DAB1: variants seen among roughly 807,000 people sequenced by gnomAD.
DAB1 encodes disabled homolog 1.
Under a neutral mutation model 64.6 loss-of-function variants are expected in DAB1, and 15 were observed. The observed-to-expected ratio is 0.23, with a 90% confidence interval of 0.16 to 0.36. DAB1 has a LOEUF of 0.36. Among genes scored for constraint, DAB1 ranks in the 10% least tolerant of loss-of-function variants. The pLI, the probability that DAB1 is intolerant of heterozygous loss-of-function variation, is 1.00. For missense variants in DAB1, 596 were observed against 706.7 expected (o/e 0.84, Z 1.78); for synonymous variants, 235 against 251.9 (o/e 0.93, Z 0.64).
rs771869814 is a variant in DAB1, at chr1:57,004,009, A to T, written c.*16-5881T>A. Among the ~76,000 whole-genome samples the T allele has an allele frequency of 3.0e-4, 46 of 152,166 alleles. 1 individual carries two copies. Among genetic ancestry groups the T allele is most frequent in the Admixed American group, 6.5e-5 (1 of 15,282 alleles). On this transcript the variant is annotated intron_variant, in intron 14 of 14. Coordinates refer to ENST00000371236, the MANE Select transcript of DAB1 (RefSeq NM_001365792.1). Reference sequence around the variant, plus strand: ...ATGTAAACATACTCAGGTCTTTTTAAGCCTACTATCCTCTCCACTACCACG... The same window carrying T: ...ATGTAAACATACTCAGGTCTTTTTATGCCTACTATCCTCTCCACTACCACG...
At chr1:58,338,130 C>G (rs533208031) in intron 4 of DAB1, among the ~76,000 whole-genome samples, 10 of 152,158 alleles carry the variant, frequency 6.6e-5, no homozygotes, top group Non-Finnish European at 1.3e-4. Flanking sequence ...GGATTTCACA[C>G]AAAGCAAACC....
chr1:57,319,641 C>T (rs770726077), intron 1 of DAB1, among the ~76,000 whole-genome samples: 2 of 152,126 alleles, frequency 1.3e-5, no homozygotes, highest in Non-Finnish European at 2.9e-5. Flanking sequence ...CTTACACTGC[C>T]TTTTCTTGCC....
chr1:58,253,591 C>T (rs550669080), intron 4 of DAB1, among the ~76,000 whole-genome samples: 5 of 152,322 alleles, frequency 3.3e-5, no homozygotes, highest in African/African-American at 1.2e-4. Context: ...GTTTAGAGAG[C>T]ACTTTATTTT....
At chr1:57,286,501 G>T (rs1398174471) in intron 2 of DAB1, among the ~76,000 whole-genome samples, 1 of 152,206 alleles carries the variant, frequency 6.6e-6, no homozygotes, top group East Asian at 1.9e-4. Flanking sequence ...GTTTAAGGAT[G>T]TAACTTCAGT....
chr1:57,415,195 A>G (rs910647847), intron 1 of DAB1, among the ~76,000 whole-genome samples: 5 of 152,016 alleles, frequency 3.3e-5, no homozygotes, highest in Admixed American at 3.3e-4. Flanking sequence ...AAGTTCCAGG[A>G]AAATCATTTT....
rs183469027 is a variant in DAB1, at chr1:57,445,617, C to T, written n.626-154451G>A. Among the ~76,000 whole-genome samples the T allele has an allele frequency of 6.6e-3, 997 of 152,178 alleles. 11 individuals carry two copies. The highest frequency in any genetic ancestry group is 0.023 in the African/African-American group (956 of 41,518). On this transcript the variant is annotated intron_variant and non_coding_transcript_variant, in intron 7 of 20. Coordinates refer to the DAB1 transcript ENST00000485760. The stretch of plus-strand genomic sequence containing the variant: ...TGTAAGATAAAAAATTTTATCCATT[C>T]GAATTCCAAGGACTCCAAGAGAGAA...
intron 4 of DAB1, among the ~76,000 whole-genome samples, chr1:58,212,688 G>T (rs760298593): frequency 2.3e-4 from 35 of 152,216 alleles, no homozygotes; most frequent in South Asian, 1.0e-3. Flanking sequence ...TTAACTTAAT[G>T]GAGTATTCAG....
intron 6 of DAB1, among the ~76,000 whole-genome samples, chr1:57,792,587 C>T (rs1223923104): frequency 2.0e-5 from 3 of 152,198 alleles, no homozygotes; most frequent in African/African-American, 7.2e-5. Flanking sequence ...TTATTTCTTC[C>T]TCCCAGCTGA....
At chr1:57,033,586 G>A (rs1350238371) in intron 9 of DAB1, 2 of 1,610,180 alleles carry the variant, frequency 1.2e-6, no homozygotes, top group South Asian at 1.1e-5. Flanking sequence ...GAAAGTGGAA[G>A]GGATGATGAA....
chr1:57,070,850 T>C, intron 7 of DAB1, 173 bp downstream of exon 7: 1 of 667,252 alleles, frequency 1.5e-6, no homozygotes, highest in Non-Finnish European at 2.7e-6. Flanking sequence ...AAACTTCTGT[T>C]AGTTTTTATG....
chr1:57,620,075 G>A (rs1385804547), intron 7 of DAB1, among the ~76,000 whole-genome samples: 1 of 152,150 alleles, frequency 6.6e-6, no homozygotes, highest in South Asian at 2.1e-4. Flanking sequence ...TTCCAACAGG[G>A]ATCCATGGTC....
At chr1:57,027,226 G>A (rs2100401759) in intron 9 of DAB1, among the ~76,000 whole-genome samples, 1 of 152,266 alleles carries the variant, frequency 6.6e-6, no homozygotes, top group African/African-American at 2.4e-5. Context: ...TGGAGTACTG[G>A]TAAGATAAAC....
chr1:57,507,208 C>T (rs1644354381), intron 7 of DAB1, among the ~76,000 whole-genome samples: 1 of 152,118 alleles, frequency 6.6e-6, no homozygotes, highest in Admixed American at 6.5e-5. Flanking sequence ...TATTACGACC[C>T]TACATGAATT....
At chr1:58,090,738 A>G (rs1650603004) in intron 5 of DAB1, among the ~76,000 whole-genome samples, 1 of 152,144 alleles carries the variant, frequency 6.6e-6, no homozygotes, top group Non-Finnish European at 1.5e-5. Context: ...GGCTGGGCAC[A>G]CCAACAAATC....
chr1:58,066,476 T>C (rs1401263425), intron 5 of DAB1, among the ~76,000 whole-genome samples: 2 of 152,346 alleles, frequency 1.3e-5, no homozygotes, highest in East Asian at 1.9e-4. Flanking sequence ...ATAATAATAA[T>C]TGCAAAAGAA....
intron 5 of DAB1, among the ~76,000 whole-genome samples, chr1:58,128,612 T>G (rs1001914747): frequency 2.3e-5 from 3 of 128,806 alleles, no homozygotes; most frequent in African/African-American, 6.0e-5. Context: ...ATAGCTCTTA[T>G]TATTTTTAAA....
At chr1:57,532,320 CTTCATTCATTCA>C in intron 7 of DAB1, among the ~76,000 whole-genome samples, 1 of 151,158 alleles carries the variant, frequency 6.6e-6, no homozygotes, top group South Asian at 2.1e-4. Flanking sequence ...CCTGTAGGCT[CTTCATTCATTCA>C]TTCATTCATT....
chr1:57,389,992 G>A (rs1682209492), intron 1 of DAB1, among the ~76,000 whole-genome samples: 1 of 152,106 alleles, frequency 6.6e-6, no homozygotes, highest in Non-Finnish European at 1.5e-5. Flanking sequence ...TTTAGTGCAG[G>A]GTCACAGTGT....
chr1:58,305,541 A>T (rs1291167247), intron 4 of DAB1, among the ~76,000 whole-genome samples: 1 of 152,216 alleles, frequency 6.6e-6, no homozygotes, highest in African/African-American at 2.4e-5. Flanking sequence ...TCCAGTTACA[A>T]ATAATTTTGT....
Sources: gnomAD v4.1 joint callset for allele counts (sites outside exome capture counted in the v4.1 genomes callset) on GRCh38, gnomAD v4.1.1 for gene constraint, MANE v1.5 for transcripts, NCBI Gene and HGNC (gene_info 2026-07-23, HGNC 2026-07-21) for gene names.